The following NR3C2 variants were observed in gnomAD, a reference collection of about 807,000 sequenced individuals.
The protein encoded by NR3C2 is mineralocorticoid receptor.
In NR3C2, 15 loss-of-function variants were observed where a neutral mutation model predicts 86.4. The ratio of observed to expected loss-of-function variants is 0.17; its 90% CI spans 0.12 to 0.27. The LOEUF (loss-of-function observed/expected upper bound fraction) is 0.27. Among genes scored for constraint, NR3C2 ranks in the 10% least tolerant of loss-of-function variants. NR3C2 has a pLI of 1.00. For synonymous variants in NR3C2, 458 were observed against 450.5 expected (o/e 1.02, Z -0.21); for missense variants, 960 against 1,195.6 (o/e 0.80, Z 2.91).
chr4:148,337,074 C>T (rs1008429152), intron 2 of NR3C2, among the ~76,000 whole-genome samples: 7 of 152,110 alleles, frequency 4.6e-5, no homozygotes, highest in East Asian at 1.9e-4. Flanking sequence ...GGACTACAGG[C>T]GTGAGCCACC....
intron 2 of NR3C2, among the ~76,000 whole-genome samples, chr4:148,357,231 G>A (rs1403575025): frequency 1.3e-5 from 2 of 152,046 alleles, no homozygotes; most frequent in Non-Finnish European, 2.9e-5. Context: ...TTTATAATGA[G>A]CTTACAAAAA....
chr4:148,385,638 G>C (rs1579235425), intron 2 of NR3C2, among the ~76,000 whole-genome samples: 3 of 152,266 alleles, frequency 2.0e-5, no homozygotes, highest in Non-Finnish European at 2.9e-5. Flanking sequence ...GTGCAAGGGA[G>C]AGAGGAAAGG....
intron 3 of NR3C2, among the ~76,000 whole-genome samples, chr4:148,235,827 T>C (rs1987969): frequency 0.76 from 115,826 of 152,148 alleles, 44,607 homozygotes; most frequent in East Asian, 0.89. Context: ...TCTATTTTTC[T>C]CTTCTTGAAA....
intron 2 of NR3C2, among the ~76,000 whole-genome samples, chr4:148,379,509 A>G (rs1382214997): frequency 6.6e-6 from 1 of 152,214 alleles, no homozygotes; most frequent in Non-Finnish European, 1.5e-5. Flanking sequence ...GTTGTGGAGA[A>G]GCACCAACAT....
chr4:148,422,415 A>T (rs187984605), intron 2 of NR3C2, among the ~76,000 whole-genome samples: 1 of 152,316 alleles, frequency 6.6e-6, no homozygotes, highest in East Asian at 1.9e-4. Flanking sequence ...TCCATTTCAA[A>T]AAAAAATACT....
chr4:148,114,933 C>T (rs1013352672), intron 7 of NR3C2, among the ~76,000 whole-genome samples: 3 of 152,140 alleles, frequency 2.0e-5, no homozygotes, highest in Non-Finnish European at 4.4e-5. Context: ...ACCACTAAGG[C>T]ACGTGACCTT....
intron 3 of NR3C2, among the ~76,000 whole-genome samples, chr4:148,210,905 T>C (rs1456198076): frequency 6.6e-6 from 1 of 152,244 alleles, no homozygotes; most frequent in Non-Finnish European, 1.5e-5. Context: ...ACAATGTAGA[T>C]ATGAGATTAA....
chr4:148,341,251 C>T (rs1744733680), intron 2 of NR3C2, among the ~76,000 whole-genome samples: 3 of 152,058 alleles, frequency 2.0e-5, no homozygotes, highest in Admixed American at 2.0e-4. Flanking sequence ...AAAAGTGATA[C>T]TAACAGTGGA....
In NR3C2 at chr4:148,306,378, T is replaced by C. The variant is rs1034280665; in HGVS notation, c.1758-46261A>G. ...TCTACCCCTCTTTCACCTTCTCCAATTGAGTGAATTTTCAGGTGAATCAAT... is the reference window on the plus strand; with the variant it reads ...TCTACCCCTCTTTCACCTTCTCCAACTGAGTGAATTTTCAGGTGAATCAAT... On this transcript the variant is annotated intron_variant, in intron 2 of 8. Transcript: ENST00000358102. 3.9e-5 allele frequency among the ~76,000 whole-genome samples: 6 copies of C among 152,354 alleles called. No individual in the cohort carries two copies. In the East Asian group the frequency reaches 5.8e-4, roughly 15 times the overall value.
At chr4:148,135,214 G>A (rs1560939255) in intron 6 of NR3C2, among the ~76,000 whole-genome samples, 1 of 152,190 alleles carries the variant, frequency 6.6e-6, no homozygotes, top group African/African-American at 2.4e-5. Context: ...CAATGTGCTA[G>A]TAAGAGGTGA....
chr4:148,205,512 G>A (rs1033055923), intron 3 of NR3C2, among the ~76,000 whole-genome samples: 5 of 152,160 alleles, frequency 3.3e-5, no homozygotes, highest in African/African-American at 1.2e-4. Context: ...CAGTAAATAT[G>A]TTCTGTTTGT....
chr4:148,117,318 C>T (rs1351111745), intron 7 of NR3C2, among the ~76,000 whole-genome samples: 1 of 152,222 alleles, frequency 6.6e-6, no homozygotes, highest in Non-Finnish European at 1.5e-5. Flanking sequence ...CACCTCCCTA[C>T]CAGGACTGCC....
upstream of NR3C2, chr4:148,444,458 G>A (rs1308456371): frequency 2.7e-5 from 27 of 985,856 alleles, no homozygotes; most frequent in Non-Finnish European, 3.1e-5. Flanking sequence ...CCTTGCCCGG[G>A]GCCGCCCCTG....
At chr4:148,310,087 G>A (rs1742834844) in intron 2 of NR3C2, among the ~76,000 whole-genome samples, 1 of 152,018 alleles carries the variant, frequency 6.6e-6, no homozygotes, top group South Asian at 2.1e-4. Context: ...ATAATAACTA[G>A]AATTATTTTT....
At chr4:148,269,566 T>C (rs1740567577) in intron 2 of NR3C2, among the ~76,000 whole-genome samples, 2 of 152,128 alleles carry the variant, frequency 1.3e-5, no homozygotes, top group South Asian at 4.1e-4. Context: ...CTAGAAATAT[T>C]TACCGAGCAT....
At chr4:148,124,235 AAAACCAAACC>A (rs56820575) in intron 6 of NR3C2, among the ~76,000 whole-genome samples, 26 of 150,906 alleles carry the variant, frequency 1.7e-4, no homozygotes, top group Admixed American at 7.2e-4. Flanking sequence ...ACTCCATCCC[AAAACCAAACC>A]AAACCAAACC....
intron 4 of NR3C2, among the ~76,000 whole-genome samples, chr4:148,160,632 G>A (rs527423023): frequency 2.8e-4 from 43 of 152,234 alleles, no homozygotes; most frequent in African/African-American, 1.0e-3. Flanking sequence ...TTCTGTGATT[G>A]CAGAAATGCT....
At chr4:148,444,190 C>T (rs1287427491), upstream of NR3C2, 1 of 985,394 alleles carries the variant, frequency 1.0e-6, no homozygotes, top group African/African-American at 1.7e-5. Context: ...GCTCCGCAAG[C>T]GTTGCCGAAT....
intron 2 of NR3C2, among the ~76,000 whole-genome samples, chr4:148,412,705 T>C (rs1012956744): frequency 1.3e-5 from 2 of 152,266 alleles, no homozygotes; most frequent in Non-Finnish European, 2.9e-5. Context: ...TACTTATTTA[T>C]ATTTTCTAAA....
Sources: gnomAD v4.1 joint callset for allele counts (sites outside exome capture counted in the v4.1 genomes callset) on GRCh38, gnomAD v4.1.1 for gene constraint, MANE v1.5 for transcripts, NCBI Gene and HGNC (gene_info 2026-07-23, HGNC 2026-07-21) for gene names.